Variants in LDLRAP1 observed in about 807,000 individuals in gnomAD.
LDLRAP1 encodes low density lipoprotein receptor adapter protein 1.
Under a neutral mutation model 37.8 loss-of-function variants are expected in LDLRAP1, and 30 were observed. That is an observed-to-expected ratio of 0.79 (90% CI 0.59 to 1.08). The LOEUF is 1.08. LDLRAP1 is among the 50% of genes least tolerant of loss of function. LDLRAP1 has a pLI of 0.00. For synonymous variants in LDLRAP1, 156 were observed against 169.8 expected (o/e 0.92, Z 0.63); for missense variants, 375 against 401.6 (o/e 0.93, Z 0.57).
intron 1 of LDLRAP1, among the ~76,000 whole-genome samples, chr1:25,550,266 C>T (rs2044042844): frequency 6.6e-6 from 1 of 152,160 alleles, no homozygotes; most frequent in African/African-American, 2.4e-5. Context: ...TTGTTTCCCC[C>T]ATTTTAAAGA....
chr1:25,548,638 C>G (rs1055188936), intron 1 of LDLRAP1, among the ~76,000 whole-genome samples: 9 of 151,958 alleles, frequency 5.9e-5, no homozygotes, highest in African/African-American at 2.2e-4. Flanking sequence ...CATGAGCTAC[C>G]ACGCCTGGCT....
rs112660760 is a variant in LDLRAP1, at chr1:25,557,933, A to G, written c.459+666A>G. On this transcript the variant is annotated intron_variant, in intron 4 of 8. Transcript: ENST00000374338. Reference sequence around the variant, plus strand: ...ATGAGGAAACAGACTCCCAGAGGCCAGCTATCTTGCTGTCAGGGTTAGAGT... The same window carrying G: ...ATGAGGAAACAGACTCCCAGAGGCCGGCTATCTTGCTGTCAGGGTTAGAGT... Among the ~76,000 whole-genome samples the G allele has an allele frequency of 3.9e-5, 6 of 152,004 alleles. 1 individual carries two copies. The highest frequency in any genetic ancestry group is 1.2e-4 in the African/African-American group (5 of 41,424).
chr1:25,551,429 A>AGTTTCCTCTCT (rs1471454993), intron 1 of LDLRAP1, among the ~76,000 whole-genome samples: 1 of 152,224 alleles, frequency 6.6e-6, no homozygotes, highest in African/African-American at 2.4e-5. Flanking sequence ...TTTGAGTCTC[A>AGTTTCCTCTCT]GTTTCCTCTC....
chr1:25,554,194 C>T lies in LDLRAP1; in HGVS notation c.231+130C>T. On this transcript the variant is annotated intron_variant, in intron 2 of 8. Coordinates refer to ENST00000374338, the MANE Select transcript of LDLRAP1 (RefSeq NM_015627.3). This position sits in a 1 kb window ranked among gnomAD's most constrained non-coding sequence, Gnocchi z 5.4. The stretch of plus-strand genomic sequence containing the variant: ...CCTGGCCCTGCCCTTCATTCTCCTT[C>T]CATCCAGCTTTTGGGCCTTGGCAGA... 1.7e-6 allele frequency: 2 copies of T among 1,191,146 alleles called. No individual in the cohort carries two copies. 73.8% of individuals were successfully genotyped at this position (1,191,146 alleles called of 1,614,324 possible).
At chr1:25,584,140 G>A in the LDLRAP1 span, among the ~76,000 whole-genome samples, 1 of 152,080 alleles carries the variant, frequency 6.6e-6, no homozygotes, top group Admixed American at 6.6e-5. Context: ...CGCTGGCTCT[G>A]TGGGAACATG....
At chr1:25,570,253 G>A (rs543318424), downstream of LDLRAP1, among the ~76,000 whole-genome samples, 9 of 152,214 alleles carry the variant, frequency 5.9e-5, no homozygotes, top group East Asian at 1.4e-3. Flanking sequence ...GTTTAAATTT[G>A]GCCAATGTCT....
the LDLRAP1 span, among the ~76,000 whole-genome samples, chr1:25,584,783 G>A: frequency 2.6e-5 from 4 of 152,134 alleles, no homozygotes; most frequent in Admixed American, 2.6e-4. Context: ...TATGTGTTGG[G>A]GCCTGTCTTC....
chr1:25,577,559 G>A, the LDLRAP1 span, among the ~76,000 whole-genome samples: 5 of 152,196 alleles, frequency 3.3e-5, no homozygotes, highest in African/African-American at 4.8e-5. Flanking sequence ...CCTGGTGTGC[G>A]GTTAGGAAGG....
Position 25,554,075 on chromosome 1 carries a change from C to T in LDLRAP1, c.231+11C>T, listed in dbSNP as rs1490494849. The T allele has an allele frequency of 2.5e-6, 4 of 1,613,326 alleles. No homozygotes were observed. Among genetic ancestry groups the T allele is most frequent in the African/African-American group, 2.7e-5 (2 of 74,926 alleles). On this transcript the variant is annotated intron_variant, in intron 2 of 8. Transcript: ENST00000374338. This position sits in a 1 kb window ranked among gnomAD's most constrained non-coding sequence, Gnocchi z 5.4. ...AGGATCGTGGCTACAGTGAGCACCC[C>T]AGTCAGGAAGGGTGGGGGAACCAGG...
At chr1:25,577,683 G>A in the LDLRAP1 span, among the ~76,000 whole-genome samples, 1 of 152,222 alleles carries the variant, frequency 6.6e-6, no homozygotes, top group South Asian at 2.1e-4. Context: ...CACCTGGCGG[G>A]GACAAGACAG....
Position 25,563,933 on chromosome 1 carries a change from G to A in LDLRAP1, c.747+142G>A, listed in dbSNP as rs141333724. On this transcript the variant is annotated intron_variant, in intron 7 of 8. Transcript: ENST00000374338. ...AGACCCAGCCCGGTAGTGCCCAGGC[G>A]CAGGATAGGGGATGAACAATGTCCC... is the stretch of plus-strand genomic sequence containing the variant. 2.0e-4 allele frequency: 206 copies of A among 1,014,628 alleles called. 3 individuals carry two copies. The highest frequency in any genetic ancestry group is 1.4e-3 in the South Asian group (101 of 74,430). 62.9% of individuals were successfully genotyped at this position (1,014,628 alleles called of 1,614,324 possible).
intron 1 of LDLRAP1, among the ~76,000 whole-genome samples, chr1:25,552,105 G>T (rs114995236): frequency 0.016 from 2,364 of 152,214 alleles, 68 homozygotes; most frequent in African/African-American, 0.054. Context: ...GCTGTGGAGA[G>T]GGGGACCAGA....
chr1:25,571,716 C>T (rs943343817), downstream of LDLRAP1, among the ~76,000 whole-genome samples: 6 of 152,240 alleles, frequency 3.9e-5, no homozygotes, highest in Non-Finnish European at 8.8e-5. Flanking sequence ...ATTGGCAAAT[C>T]AGGATGACCT....
In LDLRAP1 at chr1:25,546,127, G is replaced by T. The variant is rs547359810; in HGVS notation, c.88+2341G>T. ...CAGCCTCTGACAGCAGTGGCCACAG[G>T]TTAGAGCAGGGGCCATGGGGTATGT... On this transcript the variant is annotated intron_variant, in intron 1 of 8. Transcript: ENST00000374338. Among the ~76,000 whole-genome samples the T allele has an allele frequency of 3.8e-4, 58 of 152,312 alleles. 1 individual carries two copies. The highest frequency in any genetic ancestry group is 1.3e-3 in the African/African-American group (53 of 41,564).
intron 1 of LDLRAP1, among the ~76,000 whole-genome samples, chr1:25,551,071 C>T (rs927731774): frequency 6.6e-6 from 1 of 152,168 alleles, no homozygotes; most frequent in African/African-American, 2.4e-5. Context: ...ATGAGATGTT[C>T]AAACCTTGAT....
intron 3 of LDLRAP1, among the ~76,000 whole-genome samples, 153 bp from the exon 4 acceptor site, chr1:25,557,000 C>T (rs1449053945): frequency 6.6e-6 from 1 of 152,158 alleles, no homozygotes; most frequent in Non-Finnish European, 1.5e-5. Flanking sequence ...CCTAGGTACC[C>T]AGCCTGGAGG....
intron 5 of LDLRAP1, 43 bp downstream of exon 5, chr1:25,562,759 G>T: frequency 6.4e-7 from 1 of 1,573,232 alleles, no homozygotes; most frequent in South Asian, 1.1e-5. Context: ...GGGAGGTGGG[G>T]AGACACATAA....
At chr1:25,584,567 CAT>C in the LDLRAP1 span, among the ~76,000 whole-genome samples, 1 of 152,116 alleles carries the variant, frequency 6.6e-6, no homozygotes, top group Admixed American at 6.5e-5. Flanking sequence ...TCCATAATAA[CAT>C]GTGATTTTCT....
chr1:25,563,743 G>A lies in LDLRAP1; in HGVS notation c.699G>A (p.Met233Ile). The A allele has an allele frequency of 6.2e-7, 1 of 1,614,020 alleles. No homozygotes were observed. Among genetic ancestry groups the A allele is most frequent in the East Asian group, 2.2e-5 (1 of 44,888 alleles). Residue 233 changes from methionine to isoleucine, a missense_variant, in exon 7 of 9, where the codon ATG becomes ATA. Met to Ile is a conservative substitution (Grantham distance 10, BLOSUM62 1). Transcript: ENST00000374338. ...CGGTCAGCGCCAACACCACCAACAT[G>A]GACGAGGTGCCGCGGCCACAAGCCT... ...LSTVSANTTN[M>I]DEVPRPQALS...
Sources: allele counts gnomAD v4.1 joint callset (sites outside exome capture counted in the v4.1 genomes callset), GRCh38; gene constraint gnomAD v4.1.1; non-coding constraint Gnocchi (gnomAD v3.1); transcripts MANE v1.5; gene names NCBI Gene and HGNC (gene_info 2026-07-23, HGNC 2026-07-21).